EYS: variants seen among roughly 807,000 people sequenced by gnomAD.
EYS encodes EGF-like photoreceptor maintenance factor, also known as protein eyes shut homolog.
A neutral mutation model predicts 282.1 loss-of-function variants in EYS; 250 were observed. The ratio of observed to expected loss-of-function variants is 0.89; its 90% CI spans 0.80 to 0.98. The LOEUF is 0.98. Among genes scored for constraint, EYS ranks in the 50% least tolerant of loss-of-function variants. EYS has a pLI of 0.00. For synonymous variants in EYS, 1,355 were observed against 1,282.9 expected, an observed-to-expected ratio of 1.06 and a Z score of -1.20; for missense variants, 4,016 against 3,709.0, an observed-to-expected ratio of 1.08 and a Z score of -2.15.
chr6:64,849,465 C>G (rs894202358), intron 19 of EYS, among the ~76,000 whole-genome samples: 1 of 151,924 alleles, frequency 6.6e-6, no homozygotes, highest in African/African-American at 2.4e-5. Flanking sequence ...TTTGGGGAGT[C>G]ACTTATCCTT....
chr6:64,272,416 T>G (rs915881905), intron 30 of EYS, among the ~76,000 whole-genome samples: 1 of 152,324 alleles, frequency 6.6e-6, no homozygotes, highest in South Asian at 2.1e-4. Context: ...TGGTACTAGT[T>G]TTTCCTTTCC....
chr6:65,264,443 C>T (rs978652455), intron 12 of EYS, among the ~76,000 whole-genome samples: 1 of 152,104 alleles, frequency 6.6e-6, no homozygotes, highest in African/African-American at 2.4e-5. Flanking sequence ...GCACGTAAGA[C>T]ATTCACTTAA....
intron 2 of EYS, among the ~76,000 whole-genome samples, chr6:65,525,805 T>C (rs924072506): frequency 5.3e-5 from 8 of 152,176 alleles, no homozygotes; most frequent in South Asian, 2.1e-4. Context: ...AGCTCAGAAG[T>C]CTTGATTGTT....
intron 2 of EYS, among the ~76,000 whole-genome samples, chr6:65,596,309 G>A (rs1444948662): frequency 1.4e-5 from 2 of 146,744 alleles, no homozygotes; most frequent in Non-Finnish European, 3.0e-5. Context: ...TTCATTTGGG[G>A]ATAAATTTTT....
At chr6:65,007,900 T>C (rs1771734603) in intron 13 of EYS, among the ~76,000 whole-genome samples, 1 of 152,196 alleles carries the variant, frequency 6.6e-6, no homozygotes, top group Non-Finnish European at 1.5e-5. Flanking sequence ...TGATCTGACA[T>C]GGAGAGATAT....
At chr6:65,068,316 C>T (rs1381143599) in intron 12 of EYS, among the ~76,000 whole-genome samples, 1 of 152,088 alleles carries the variant, frequency 6.6e-6, no homozygotes, top group Non-Finnish European at 1.5e-5. Context: ...GGATATTGCC[C>T]TCACTGTTCT....
At chr6:64,136,834 G>C (rs994553176) in intron 31 of EYS, among the ~76,000 whole-genome samples, 2 of 152,034 alleles carry the variant, frequency 1.3e-5, no homozygotes, top group Admixed American at 6.6e-5. Flanking sequence ...AAGGGCCCTA[G>C]GATTTTTAGA....
At chr6:65,474,288 C>T (rs1049394798) in intron 5 of EYS, among the ~76,000 whole-genome samples, 1 of 152,072 alleles carries the variant, frequency 6.6e-6, no homozygotes, top group Non-Finnish European at 1.5e-5. Context: ...GAATGCATAG[C>T]TTTCTATGAT....
intron 9 of EYS, among the ~76,000 whole-genome samples, chr6:65,352,835 C>G (rs1226880743): frequency 1.3e-5 from 2 of 151,890 alleles, no homozygotes; most frequent in Non-Finnish European, 2.9e-5. Context: ...TCTGGCTTTA[C>G]CCCCTCCATG....
chr6:64,160,559 A>G (rs985077849), intron 31 of EYS, among the ~76,000 whole-genome samples: 4 of 152,218 alleles, frequency 2.6e-5, no homozygotes, highest in African/African-American at 9.6e-5. Flanking sequence ...CCAACCTTAA[A>G]AAGACAGCTA....
chr6:64,622,636 G>A (rs1182582321), intron 23 of EYS, among the ~76,000 whole-genome samples: 1 of 152,116 alleles, frequency 6.6e-6, no homozygotes, highest in African/African-American at 2.4e-5. Flanking sequence ...CCATGGAGTT[G>A]TTGTTAGATA....
At chr6:63,900,157 A>G (rs2149730671) in intron 35 of EYS, among the ~76,000 whole-genome samples, 1 of 152,312 alleles carries the variant, frequency 6.6e-6, no homozygotes, top group South Asian at 2.1e-4. Context: ...ATTAAAAAAC[A>G]CAATCTTTTT....
intron 31 of EYS, among the ~76,000 whole-genome samples, chr6:64,201,478 T>C (rs140388729): frequency 9.9e-5 from 15 of 152,260 alleles, no homozygotes; most frequent in African/African-American, 3.4e-4. Flanking sequence ...AAGGAAAATA[T>C]TTCCCCACAC....
intron 13 of EYS, among the ~76,000 whole-genome samples, chr6:65,008,597 A>G (rs2150131840): frequency 6.6e-6 from 1 of 152,314 alleles, no homozygotes; most frequent in South Asian, 2.1e-4. Context: ...ACACTTTAAA[A>G]AAGATTGTCC....
chr6:65,416,021 G>T (rs779940192), intron 5 of EYS, among the ~76,000 whole-genome samples: 1 of 151,882 alleles, frequency 6.6e-6, no homozygotes, highest in Non-Finnish European at 1.5e-5. Context: ...AAGAAATTGA[G>T]AATGTGAAAA....
chr6:64,353,602 C>T (rs535408045), intron 29 of EYS, among the ~76,000 whole-genome samples: 57 of 151,522 alleles, frequency 3.8e-4, no homozygotes, highest in Non-Finnish European at 7.8e-4. Context: ...TGGATAAAGG[C>T]GTTTAGGTTA....
chr6:64,982,578 G>C lies in EYS; in HGVS notation c.2259+15004C>G, dbSNP rs192818942. Among the ~76,000 whole-genome samples the C allele has an allele frequency of 8.1e-3, 1,226 of 151,242 alleles. 3 individuals carry two copies. Among genetic ancestry groups the C allele is most frequent in the Non-Finnish European group, 0.014 (971 of 67,378 alleles). ...GAAGTTTGAAAAGTGTTGGCAGAAGGCTGACTAAATAGGGACATAGAATCA... is the reference window on the plus strand; with the variant it reads ...GAAGTTTGAAAAGTGTTGGCAGAAGCCTGACTAAATAGGGACATAGAATCA... On this transcript the variant is annotated intron_variant, in intron 14 of 42. Coordinates refer to ENST00000503581, the MANE Select transcript of EYS (RefSeq NM_001142800.2).
At chr6:65,431,836 TAAC>T (rs1376660765) in intron 5 of EYS, among the ~76,000 whole-genome samples, 4 of 152,148 alleles carry the variant, frequency 2.6e-5, no homozygotes, top group Non-Finnish European at 1.5e-5. Flanking sequence ...CATGAATAAA[TAAC>T]AAAATTAAAT....
chr6:65,175,554 G>T (rs565111651), intron 12 of EYS, among the ~76,000 whole-genome samples: 1 of 151,488 alleles, frequency 6.6e-6, no homozygotes, highest in African/African-American at 2.4e-5. Context: ...AAAGAGTGTT[G>T]TTTGTGGTCA....
Sources: allele counts gnomAD v4.1 joint callset (sites outside exome capture counted in the v4.1 genomes callset), GRCh38; gene constraint gnomAD v4.1.1; transcripts MANE v1.5; gene names NCBI Gene and HGNC (gene_info 2026-07-23, HGNC 2026-07-21).